TRPM3: variants seen among roughly 807,000 people sequenced by gnomAD.
TRPM3 encodes the protein transient receptor potential cation channel subfamily M member 3.
TRPM3 carries 77 observed loss-of-function variants against 181.2 expected under a neutral mutation model. The ratio of observed to expected loss-of-function variants is 0.42; its 90% CI spans 0.35 to 0.51. The LOEUF (loss-of-function observed/expected upper bound fraction) is 0.51. Ranked by LOEUF, TRPM3 falls within the 20% of genes least tolerant of loss-of-function variation. The pLI is 0.01. For missense variants in TRPM3, 1,759 were observed against 2,196.7 expected (o/e 0.80, Z 3.98); for synonymous variants, 745 against 796.4 (o/e 0.94, Z 1.09).
chr9:70,663,616 C>T (rs530406201), intron 9 of TRPM3, among the ~76,000 whole-genome samples: 2 of 152,300 alleles, frequency 1.3e-5, no homozygotes, highest in South Asian at 4.1e-4. Flanking sequence ...ATGGTCTCTA[C>T]TTCTACCATA....
rs768122603 is a variant in TRPM3 at position 70,536,772 on chromosome 9, T to C, written c.4341A>G (p.Val1447=). Reference sequence around the variant, plus strand: ...CACTACTTGAAGGGGCTGTGGAAGGTACTGGAGTTGAAAAGCTTGGCTCGC... The same window carrying C: ...CACTACTTGAAGGGGCTGTGGAAGGCACTGGAGTTGAAAAGCTTGGCTCGC... ...GLGEPSFSTP[V]PSTAPSSSAY... Residue 1447 remains valine, a synonymous_variant, in exon 26 of 26, where the codon GTA becomes GTG. Transcript: ENST00000677713. 66 of 1,614,072 alleles carry C rather than the reference T, an allele frequency of 4.1e-5. No individual in the cohort carries two copies. The South Asian group carries it at 4.6e-4, about 11-fold the overall frequency.
At chr9:70,970,969 T>C (rs1421163000) in intron 1 of TRPM3, among the ~76,000 whole-genome samples, 1 of 152,184 alleles carries the variant, frequency 6.6e-6, no homozygotes, top group Non-Finnish European at 1.5e-5. Flanking sequence ...TTTGCCTAAC[T>C]CGTCTGGCAA....
chr9:71,245,607 C>T (rs906501909), intron 1 of TRPM3, among the ~76,000 whole-genome samples: 5 of 151,948 alleles, frequency 3.3e-5, no homozygotes, highest in Non-Finnish European at 5.9e-5. Flanking sequence ...GTAGTAAGGA[C>T]GTACAAGTGG....
Position 70,603,363 on chromosome 9 carries a change from C to T in TRPM3, c.2775G>A (p.Leu925=). Residue 925 remains leucine (L), a synonymous_variant, in exon 20 of 26, where the codon CTG becomes CTA. Transcript: ENST00000677713. The part of the protein sequence containing the change: ...EWIVISYIFT[L]GIEKMREILM... The stretch of plus-strand genomic sequence containing the variant: ...TTACCTCTCTCATCTTTTCTATTCC[C>T]AGGGTGAAAATATAGGAGATTACGA... 1 of 1,613,408 alleles carries T rather than the reference C, an allele frequency of 6.2e-7. No homozygotes were observed. The highest frequency in any genetic ancestry group is 1.1e-5 in the South Asian group (1 of 90,852).
rs71367238 is a variant in TRPM3, at chr9:70,921,942, A to AACACACACACACACACACACAC, written c.178-57453_178-57432dup. ...ATACACACACACACACACACAAACAAACACACACACACACACACACACACA... is the reference window on the plus strand; with the variant it reads ...ATACACACACACACACACACAAACAAACACACACACACACACACACACACACACACACACACACACACACACA... On this transcript the variant is annotated intron_variant, in intron 1 of 25. Transcript: ENST00000677713. 5.0e-4 allele frequency among the ~76,000 whole-genome samples: 70 copies of AACACACACACACACACACACAC among 139,492 alleles called. 1 individual carries two copies. The highest frequency in any genetic ancestry group is 3.5e-3 in the Middle Eastern group (1 of 284). 91.5% of individuals were successfully genotyped at this position (139,492 alleles called of 152,430 possible).
intron 1 of TRPM3, among the ~76,000 whole-genome samples, chr9:71,420,270 G>A (rs986079522): frequency 6.6e-6 from 1 of 151,876 alleles, no homozygotes; most frequent in East Asian, 1.9e-4. Context: ...TGAGGCTGGG[G>A]ATGCTACATG....
intron 1 of TRPM3, among the ~76,000 whole-genome samples, chr9:71,184,206 AC>A (rs2077553508): frequency 6.6e-6 from 1 of 152,238 alleles, no homozygotes; most frequent in African/African-American, 2.4e-5. Flanking sequence ...TTACCTAAGA[AC>A]AACAGCTCTC....
chr9:71,300,295 T>C (rs1259303611), intron 1 of TRPM3, among the ~76,000 whole-genome samples: 1 of 152,096 alleles, frequency 6.6e-6, no homozygotes, highest in Non-Finnish European at 1.5e-5. Flanking sequence ...CTGGTTTTAA[T>C]GACACTATCA....
chr9:70,750,273 A>T (rs950567309), intron 8 of TRPM3, among the ~76,000 whole-genome samples: 2 of 152,208 alleles, frequency 1.3e-5, no homozygotes, highest in Admixed American at 6.5e-5. Context: ...GGGAGTTTGG[A>T]AAGCCTAAAT....
intron 9 of TRPM3, among the ~76,000 whole-genome samples, chr9:70,642,785 C>T (rs528249561): frequency 6.6e-6 from 1 of 152,298 alleles, no homozygotes; most frequent in Non-Finnish European, 1.5e-5. Flanking sequence ...TTTTAGCATG[C>T]ATAAGTACAA....
At chr9:70,916,405 A>C (rs1027263767) in intron 1 of TRPM3, among the ~76,000 whole-genome samples, 1 of 152,238 alleles carries the variant, frequency 6.6e-6, no homozygotes, top group Non-Finnish European at 1.5e-5. Flanking sequence ...CTAAATGATG[A>C]ATCAATCAAA....
chr9:70,816,700 C>G (rs534886648), intron 6 of TRPM3, among the ~76,000 whole-genome samples: 1 of 152,102 alleles, frequency 6.6e-6, no homozygotes, highest in Non-Finnish European at 1.5e-5. Flanking sequence ...TAAAATGTTA[C>G]GAAATGATGT....
rs571495253 is a variant in TRPM3 at position 70,865,091 on chromosome 9, T to C, written c.178-580A>G. ...AAAGCATGAGGAAGATAAATGCTTTTATCATAGTCCAAAATTTTACAGGTA... is the reference window on the plus strand; with the variant it reads ...AAAGCATGAGGAAGATAAATGCTTTCATCATAGTCCAAAATTTTACAGGTA... On this transcript the variant is annotated intron_variant, in intron 1 of 25. Coordinates refer to ENST00000677713, the MANE Select transcript of TRPM3 (RefSeq NM_001366145.2). 2.6e-5 allele frequency among the ~76,000 whole-genome samples: 4 copies of C among 152,054 alleles called. No individual in the cohort carries two copies. In the East Asian group the frequency reaches 7.8e-4, roughly 30 times the overall value.
At position 71,111,347 on chromosome 9, in the gene TRPM3, G is replaced by A. The variant is rs371979156; in HGVS notation, c.177+9831C>T. ...AGCAAAATCAATTACGTACCCACCC[G>A]TTAATATCTATTTTCAAGGGGAAAT... On this transcript the variant is annotated intron_variant, in intron 1 of 25. Coordinates refer to ENST00000677713, the MANE Select transcript of TRPM3 (RefSeq NM_001366145.2). 2.7e-4 allele frequency among the ~76,000 whole-genome samples: 41 copies of A among 152,132 alleles called. 1 individual carries two copies. Among genetic ancestry groups the A allele is most frequent in the African/African-American group, 9.9e-4 (41 of 41,438 alleles).
intron 1 of TRPM3, among the ~76,000 whole-genome samples, chr9:71,141,171 G>A (rs183945857): frequency 3.3e-3 from 498 of 152,230 alleles, no homozygotes; most frequent in African/African-American, 0.011. Context: ...CTCTTCACAT[G>A]TTTTAAAGTT....
At chr9:70,840,322 T>C (rs2094559210) in intron 5 of TRPM3, among the ~76,000 whole-genome samples, 2 of 152,118 alleles carry the variant, frequency 1.3e-5, no homozygotes, top group African/African-American at 4.8e-5. Flanking sequence ...GAAAGATTTA[T>C]GGAAAAAGTA....
At chr9:70,580,470 C>T (rs2055342766) in intron 22 of TRPM3, among the ~76,000 whole-genome samples, 1 of 152,196 alleles carries the variant, frequency 6.6e-6, no homozygotes, top group Non-Finnish European at 1.5e-5. Flanking sequence ...GGGATACACA[C>T]AAGAAATCAG....
chr9:70,604,963 TC>T (rs2060750921), intron 19 of TRPM3, among the ~76,000 whole-genome samples: 1 of 55,910 alleles, frequency 1.8e-5, no homozygotes, highest in African/African-American at 6.3e-5. Flanking sequence ...AATGGATTCT[TC>T]TTTTTTTTTG....
intron 1 of TRPM3, among the ~76,000 whole-genome samples, chr9:70,910,790 G>GC (rs1326426183): frequency 6.6e-6 from 1 of 152,098 alleles, no homozygotes; most frequent in Non-Finnish European, 1.5e-5. Flanking sequence ...TTTTCATCCT[G>GC]CTTTAATTAC....
Sources: gnomAD v4.1 joint callset for allele counts (sites outside exome capture counted in the v4.1 genomes callset) on GRCh38, gnomAD v4.1.1 for gene constraint, MANE v1.5 for transcripts, NCBI Gene and HGNC (gene_info 2026-07-23, HGNC 2026-07-21) for gene names.